HOXD12: variants seen among roughly 807,000 people sequenced by gnomAD.
The protein encoded by HOXD12 is homeobox protein Hox-D12.
A neutral mutation model predicts 20.2 loss-of-function variants in HOXD12; 21 were observed. The ratio of observed to expected loss-of-function variants is 1.04; its 90% CI spans 0.74 to 1.50. The LOEUF (loss-of-function observed/expected upper bound fraction) is 1.50. Among genes scored for constraint, HOXD12 ranks in the 40% most tolerant of loss-of-function variants. The pLI is 0.00. For synonymous variants in HOXD12, 196 were observed against 168.8 expected (o/e 1.16, Z -1.25); for missense variants, 472 against 365.5 (o/e 1.29, Z -2.38).
rs199589140 is a variant in HOXD12 at position 176,100,657 on chromosome 2, A to C, written c.710A>C (p.Asn237Thr). 8.4e-5 allele frequency: 136 copies of C among 1,613,982 alleles called. No homozygotes were observed. The African/African-American group carries it at 1.7e-3, about 20-fold the overall frequency. Residue 237 changes from asparagine to threonine, a missense_variant, in exon 2 of 2, where the codon AAT (asparagine) becomes ACT (threonine). Asn to Thr is a moderately conservative substitution (Grantham distance 65, BLOSUM62 0). Transcript: ENST00000406506. ...AGGCAGAAACGCAAGGAATTGTCCAATAGGCTGAACCTCAGCGACCAGCAA... is the reference window on the plus strand; with the variant it reads ...AGGCAGAAACGCAAGGAATTGTCCACTAGGCTGAACCTCAGCGACCAGCAA... ...INRQKRKELS[N>T]RLNLSDQQVK...
chr2:176,100,438 G>C, intron 1 of HOXD12, 63 bp downstream of exon 1: 1 of 1,598,538 alleles, frequency 6.3e-7, no homozygotes, highest in South Asian at 1.1e-5. Context: ...GTTCAAGGGA[G>C]AGTGTAAGGG....
In HOXD12 at chr2:176,100,342, G is replaced by C. The variant is rs1013559664; in HGVS notation, c.541G>C (p.Val181Leu). The change falls in exon 1 of 2, where the codon GTT (valine) becomes CTT (leucine). Residue 181 changes from valine (V) to leucine (L), a missense_variant. Val to Leu is a conservative substitution (Grantham distance 32). Transcript: ENST00000406506. ...NLNMTVQAAG[V>L]ASCLRPSLPD... ...GAACATGACAGTGCAGGCGGCGGGC[G>C]TTGCCTCTTGCCTGCGACCTTCACT... is the stretch of plus-strand genomic sequence containing the variant. The C allele has an allele frequency of 2.5e-5, 41 of 1,612,480 alleles. No individual in the cohort carries two copies. The highest frequency in any genetic ancestry group is 3.0e-5 in the Non-Finnish European group (35 of 1,179,834).
At position 176,100,106 on chromosome 2, in the gene HOXD12, C is replaced by T; in HGVS notation, c.305C>T (p.Ala102Val). The change falls in exon 1 of 2, where the codon GCG (alanine) becomes GTG (valine). Residue 102 changes from alanine (A) to valine (V), a missense_variant. Coordinates refer to ENST00000406506, the MANE Select transcript of HOXD12 (RefSeq NM_021193.4). ...DGPEEQAKFY[A>V]PEAAAGPEER... ...CCCGAAGAGCAGGCTAAGTTCTATGCGCCCGAAGCGGCCGCTGGGCCAGAG... is the reference window on the plus strand; with the variant it reads ...CCCGAAGAGCAGGCTAAGTTCTATGTGCCCGAAGCGGCCGCTGGGCCAGAG... The T allele has an allele frequency of 6.2e-7, 1 of 1,607,610 alleles. No homozygotes were observed. The highest frequency in any genetic ancestry group is 8.5e-7 in the Non-Finnish European group (1 of 1,178,600).
At position 176,100,703 on chromosome 2, in the gene HOXD12, C is replaced by T. The variant is rs1689482937; in HGVS notation, c.756C>T (p.Asn252=). ...AGCAAGTCAAAATCTGGTTCCAGAACAGGCGTATGAAGAAGAAGCGCGTGG... is the reference window on the plus strand; with the variant it reads ...AGCAAGTCAAAATCTGGTTCCAGAATAGGCGTATGAAGAAGAAGCGCGTGG... ...SDQQVKIWFQ[N]RRMKKKRVVL... Residue 252 remains asparagine (N), a synonymous_variant, in exon 2 of 2, where the codon AAC becomes AAT. Coordinates refer to ENST00000406506, the MANE Select transcript of HOXD12 (RefSeq NM_021193.4). 1.4e-5 allele frequency: 22 copies of T among 1,613,912 alleles called. No homozygotes were observed. The highest frequency in any genetic ancestry group is 1.6e-5 in the Non-Finnish European group (19 of 1,179,894).
rs766861465 is a variant in HOXD12 at position 176,099,943 on chromosome 2, G to T, written c.142G>T (p.Ala48Ser). ...TCCCCCTATCTCCTACCCGCGCGGCGCGCTGCCCTGGGCCGCCACGCCCGC... is the reference window on the plus strand; with the variant it reads ...TCCCCCTATCTCCTACCCGCGCGGCTCGCTGCCCTGGGCCGCCACGCCCGC... ...ALPPISYPRG[A>S]LPWAATPASC... Residue 48 changes from alanine to serine, a missense_variant, in exon 1 of 2, where the codon GCG (alanine) becomes TCG (serine). By Grantham distance (99) the Ala-to-Ser change is moderately conservative (BLOSUM62 1). Transcript: ENST00000406506. 1.3e-6 allele frequency: 2 copies of T among 1,595,096 alleles called. No individual in the cohort carries two copies. The highest frequency in any genetic ancestry group is 1.7e-6 in the Non-Finnish European group (2 of 1,173,450).
chr2:176,100,210 T>A lies in HOXD12; in HGVS notation c.409T>A (p.Tyr137Asn). The A allele has an allele frequency of 1.9e-6, 3 of 1,612,298 alleles. No individual in the cohort carries two copies. The change falls in exon 1 of 2, where the codon TAT (tyrosine) becomes AAT (asparagine). Residue 137 changes from tyrosine (Y) to asparagine (N), a missense_variant. Tyr to Asn is a moderately radical substitution (Grantham distance 143, BLOSUM62 -2). Transcript: ENST00000406506. ...AGTGGCTGCTCTCAAAGCGGCCAAG[T>A]ATGACTACGCTGGTGTGGGTCGTGC... The part of the protein sequence containing the change: ...PAVAALKAAK[Y>N]DYAGVGRATP...
Position 176,100,394 on chromosome 2 carries a change from C to G in HOXD12, c.574+19C>G. The G allele has an allele frequency of 6.2e-7, 1 of 1,611,656 alleles. No homozygotes were observed. The highest frequency in any genetic ancestry group is 1.3e-5 in the African/African-American group (1 of 75,054). On this transcript the variant is annotated intron_variant, in intron 1 of 1. Transcript: ENST00000406506. ...CCCGACGGTAAACGGTGCCCATGCT[C>G]CCCGGGCCGGTTTGGGCCGGGATGG...
At position 176,102,176 on chromosome 2, in the gene HOXD12, AC is replaced by A. The variant is rs1368350361; in HGVS notation, c.*1417del. 2.0e-5 allele frequency among the ~76,000 whole-genome samples: 3 copies of A among 152,002 alleles called. No homozygotes were observed. Among genetic ancestry groups the A allele is most frequent in the Non-Finnish European group, 4.4e-5 (3 of 68,000 alleles). ...CTGCCTCTTCTCCCCTCTCCTTCTG[AC>A]ATGTAGCACTCCTCCTTCGCAATTC... On this transcript the variant is annotated 3_prime_UTR_variant, in exon 2 of 2. Coordinates refer to ENST00000406506, the MANE Select transcript of HOXD12 (RefSeq NM_021193.4).
At position 176,100,141 on chromosome 2, in the gene HOXD12, C is replaced by A; in HGVS notation, c.340C>A (p.Arg114Ser). ...EAAAGPEERG[R>S]TRPSFAPESS... The stretch of plus-strand genomic sequence containing the variant: ...GGCCGCTGGGCCAGAGGAGCGCGGT[C>A]GTACCCGGCCGTCCTTCGCCCCCGA... Residue 114 changes from arginine to serine, a missense_variant, in exon 1 of 2, where the codon CGT (arginine) becomes AGT (serine). By Grantham distance (110) the Arg-to-Ser change is moderately radical. Coordinates refer to ENST00000406506, the MANE Select transcript of HOXD12 (RefSeq NM_021193.4). 6.2e-7 allele frequency: 1 copy of A among 1,611,126 alleles called. No individual in the cohort carries two copies. Among genetic ancestry groups the A allele is most frequent in the Non-Finnish European group, 8.5e-7 (1 of 1,179,588 alleles).
In HOXD12 at chr2:176,100,701, A is replaced by G. The variant is rs371944705; in HGVS notation, c.754A>G (p.Asn252Asp). 30 of 1,613,934 alleles carry G rather than the reference A, an allele frequency of 1.9e-5. No individual in the cohort carries two copies. The highest frequency in any genetic ancestry group is 2.5e-5 in the Non-Finnish European group (30 of 1,179,902). Residue 252 changes from asparagine (N) to aspartate (D), a missense_variant, in exon 2 of 2, where the codon AAC becomes GAC. Physicochemically the swap from Asn to Asp is conservative, Grantham distance 23. Transcript: ENST00000406506. ...SDQQVKIWFQ[N>D]RRMKKKRVVL... ...CCAGCAAGTCAAAATCTGGTTCCAG[A>G]ACAGGCGTATGAAGAAGAAGCGCGT...
At position 176,101,030 on chromosome 2, in the gene HOXD12, C is replaced by A; in HGVS notation, c.*270C>A. On this transcript the variant is annotated 3_prime_UTR_variant, in exon 2 of 2. Transcript: ENST00000406506. ...GGGGGACTGAGGCCAACTCTCCTTG[C>A]TCCTGGCTGGGGCATTTGCACCCAC... 1 of 549,456 alleles carries A rather than the reference C, an allele frequency of 1.8e-6. No homozygotes were observed. The highest frequency in any genetic ancestry group is 2.3e-5 in the South Asian group (1 of 43,700). 34.0% of individuals were successfully genotyped at this position (549,456 alleles called of 1,614,324 possible).
At position 176,100,932 on chromosome 2, in the gene HOXD12, A is replaced by C; in HGVS notation, c.*172A>C. The C allele has an allele frequency of 1.6e-6, 1 of 609,424 alleles. No individual in the cohort carries two copies. Among genetic ancestry groups the C allele is most frequent in the Non-Finnish European group, 2.9e-6 (1 of 343,526 alleles). The allele number at this position is 609,424 out of a possible 1,614,324, so 37.8% of individuals were successfully genotyped here. On this transcript the variant is annotated 3_prime_UTR_variant, in exon 2 of 2. Transcript: ENST00000406506. ...CCAGTTGGGCCTCCTTGCTTTCCTC[A>C]GTCCCTGAGAAGCCCGTGAGAAACG...
rs1689487392 is a variant in HOXD12, at chr2:176,101,020, A to T, written c.*260A>T. On this transcript the variant is annotated 3_prime_UTR_variant, in exon 2 of 2. Coordinates refer to ENST00000406506, the MANE Select transcript of HOXD12 (RefSeq NM_021193.4). ...CTTCCACGTTGGGGGACTGAGGCCA[A>T]CTCTCCTTGCTCCTGGCTGGGGCAT... 2 of 554,980 alleles carry T rather than the reference A, an allele frequency of 3.6e-6. No homozygotes were observed. The highest frequency in any genetic ancestry group is 3.2e-6 in the Non-Finnish European group (1 of 312,742). 34.4% of individuals were successfully genotyped at this position (554,980 alleles called of 1,614,324 possible). A position where few individuals can be genotyped will look rare whatever the true frequency, so the allele number is the denominator to read the frequency against.
Position 176,100,385 on chromosome 2 carries a change from G to T in HOXD12, c.574+10G>T. On this transcript the variant is annotated intron_variant, in intron 1 of 1. Coordinates refer to ENST00000406506, the MANE Select transcript of HOXD12 (RefSeq NM_021193.4). ...CCTTCACTGCCCGACGGTAAACGGT[G>T]CCCATGCTCCCCGGGCCGGTTTGGG... 6.2e-7 allele frequency: 1 copy of T among 1,612,270 alleles called. No individual in the cohort carries two copies. Among genetic ancestry groups the T allele is most frequent in the Non-Finnish European group, 8.5e-7 (1 of 1,179,612 alleles).
At chr2:176,100,452 G>C (rs1455754300) in intron 1 of HOXD12, 70 bp from the exon 2 acceptor site, 4 of 1,594,896 alleles carry the variant, frequency 2.5e-6, no homozygotes, top group Non-Finnish European at 3.4e-6. Context: ...GTAAGGGGAG[G>C]TGAACCGCCT....
In HOXD12 at chr2:176,100,250, C is replaced by T. The variant is rs1410678188; in HGVS notation, c.449C>T (p.Thr150Met). The T allele has an allele frequency of 6.2e-7, 1 of 1,612,440 alleles. No homozygotes were observed. Among genetic ancestry groups the T allele is most frequent in the South Asian group, 1.1e-5 (1 of 91,066 alleles). The change falls in exon 1 of 2, where the codon ACG becomes ATG. Residue 150 changes from threonine to methionine, a missense_variant. By Grantham distance (81) the Thr-to-Met change is moderately conservative. Coordinates refer to ENST00000406506, the MANE Select transcript of HOXD12 (RefSeq NM_021193.4). ...AGVGRATPGS[T>M]TLLQGAPCAP... ...GTGGGTCGTGCCACGCCGGGCTCCACGACCCTGCTCCAGGGGGCTCCCTGC... is the reference window on the plus strand; with the variant it reads ...GTGGGTCGTGCCACGCCGGGCTCCATGACCCTGCTCCAGGGGGCTCCCTGC...
rs1220936313 is a variant in HOXD12 at position 176,100,308 on chromosome 2, G to T, written c.507G>T (p.Pro169=). The T allele has an allele frequency of 5.6e-6, 9 of 1,612,642 alleles. No homozygotes were observed. Among genetic ancestry groups the T allele is most frequent in the Non-Finnish European group, 6.8e-6 (8 of 1,179,854 alleles). ...GCTTCAAGGACGACACCAAGGGCCC[G>T]CTCAACTTGAACATGACAGTGCAGG... The part of the protein sequence containing the change: ...APGFKDDTKG[P]LNLNMTVQAA... Residue 169 remains proline (P), a synonymous_variant, in exon 1 of 2, where the codon CCG becomes CCT. Coordinates refer to ENST00000406506, the MANE Select transcript of HOXD12 (RefSeq NM_021193.4).
Position 176,100,688 on chromosome 2 carries a change from A to T in HOXD12, c.741A>T (p.Lys247Asn). The change falls in exon 2 of 2, where the codon AAA becomes AAT. Residue 247 changes from lysine to asparagine, a missense_variant. By Grantham distance (94) the Lys-to-Asn change is moderately conservative (BLOSUM62 0). Transcript: ENST00000406506. ...NRLNLSDQQVKIWFQNRRMKK... is the reference protein window; with the variant it reads ...NRLNLSDQQVNIWFQNRRMKK... ...TGAACCTCAGCGACCAGCAAGTCAA[A>T]ATCTGGTTCCAGAACAGGCGTATGA... 9 of 1,614,050 alleles carry T rather than the reference A, an allele frequency of 5.6e-6. No individual in the cohort carries two copies. Among genetic ancestry groups the T allele is most frequent in the Non-Finnish European group, 7.6e-6 (9 of 1,179,894 alleles).
rs1456125553 is a variant in HOXD12 at position 176,100,196 on chromosome 2, T to C, written c.395T>C (p.Leu132Pro). Reference sequence around the variant, plus strand: ...AGCCTGGCTCCTGCAGTGGCTGCTCTCAAAGCGGCCAAGTATGACTACGCT... The same window carrying C: ...AGCCTGGCTCCTGCAGTGGCTGCTCCCAAAGCGGCCAAGTATGACTACGCT... ...ESSLAPAVAA[L>P]KAAKYDYAGV... Residue 132 changes from leucine (L) to proline (P), a missense_variant, in exon 1 of 2, where the codon CTC becomes CCC. Coordinates refer to ENST00000406506, the MANE Select transcript of HOXD12 (RefSeq NM_021193.4). 7 of 1,612,032 alleles carry C rather than the reference T, an allele frequency of 4.3e-6. No homozygotes were observed. In the South Asian group the frequency reaches 4.4e-5, roughly 10 times the overall value.
Sources: gnomAD v4.1 joint callset for allele counts (sites outside exome capture counted in the v4.1 genomes callset) on GRCh38, gnomAD v4.1.1 for gene constraint, MANE v1.5 for transcripts, NCBI Gene and HGNC (gene_info 2026-07-23, HGNC 2026-07-21) for gene names.